KIF2A: variants seen among roughly 807,000 people sequenced by gnomAD.
The protein encoded by KIF2A is kinesin family member 2A.
A neutral mutation model predicts 100.2 loss-of-function variants in KIF2A; 22 were observed. The observed-to-expected ratio is 0.22, with a 90% CI of 0.16 to 0.31. The LOEUF is 0.31. KIF2A is among the 10% of genes least tolerant of loss of function. The pLI is 1.00. For synonymous variants in KIF2A, 268 were observed against 285.9 expected (o/e 0.94, Z 0.63); for missense variants, 495 against 898.7 (o/e 0.55, Z 5.74).
intron 1 of KIF2A, among the ~76,000 whole-genome samples, chr5:62,346,797 T>C (rs1057384439): frequency 2.0e-5 from 3 of 152,232 alleles, no homozygotes; most frequent in African/African-American, 7.2e-5. Flanking sequence ...CATTTTTGGC[T>C]CATAGTAAGG....
rs527271374 is a variant in KIF2A, at chr5:62,342,181, C to T, written c.65-4949C>T. On this transcript the variant is annotated intron_variant, in intron 1 of 20. Transcript: ENST00000407818. ...TAGTATATTGTGGGGCTGCCACGGG[C>T]AGTTGGGGAAAGGATGGCTGCCAGG... 5.3e-5 allele frequency among the ~76,000 whole-genome samples: 8 copies of T among 152,270 alleles called. No homozygotes were observed. The East Asian group carries it at 1.5e-3, about 29-fold the overall frequency.
At chr5:62,376,518 A>T (rs924135004) in intron 18 of KIF2A, among the ~76,000 whole-genome samples, 3 of 151,876 alleles carry the variant, frequency 2.0e-5, no homozygotes, top group Non-Finnish European at 4.4e-5. Context: ...CTCCCGGGTT[A>T]AAGTGATTCT....
At chr5:62,376,369 A>G (rs1741542837) in intron 18 of KIF2A, among the ~76,000 whole-genome samples, 1 of 152,148 alleles carries the variant, frequency 6.6e-6, no homozygotes, top group Non-Finnish European at 1.5e-5. Flanking sequence ...AAAATGGAAC[A>G]GCATCTAAGA....
At chr5:62,323,196 C>T (rs1746191857) in intron 1 of KIF2A, among the ~76,000 whole-genome samples, 1 of 151,448 alleles carries the variant, frequency 6.6e-6, no homozygotes, top group Non-Finnish European at 1.5e-5. Flanking sequence ...GTGGAGGTTG[C>T]CGTGAGCCAA....
Position 62,348,083 on chromosome 5 carries a change from C to A in KIF2A, c.195C>A (p.Asp65Glu), listed in dbSNP as rs73102041. ...AGAGCATCTTTTCACTTAACCCTGA[C>A]CTTGTTCCTGATGAAGAAATTGAAC... ...DLESIFSLNP[D>E]LVPDEEIEPS... The change falls in exon 3 of 21, where the codon GAC becomes GAA. Residue 65 changes from aspartate (D) to glutamate (E), a missense_variant. This residue lies in a region of KIF2A where 115 missense variants were observed against 143.6 expected (regional missense o/e 0.80). Transcript: ENST00000407818. The A allele has an allele frequency of 1.2e-3, 1,874 of 1,613,756 alleles. 17 individuals are homozygous for A. The African/African-American group carries it at 0.023, about 20-fold the overall frequency.
intron 6 of KIF2A, among the ~76,000 whole-genome samples, chr5:62,353,736 T>C (rs1295608749): frequency 6.6e-6 from 1 of 152,144 alleles, no homozygotes; most frequent in Non-Finnish European, 1.5e-5. Flanking sequence ...ATGATTAAAC[T>C]ATAAATTTTA....
At chr5:62,351,374 A>G (rs1747849411) in intron 4 of KIF2A, among the ~76,000 whole-genome samples, 1 of 152,160 alleles carries the variant, frequency 6.6e-6, no homozygotes, top group Admixed American at 6.5e-5. Context: ...GGAATGGGGA[A>G]AGAGTCAATT....
intron 9 of KIF2A, among the ~76,000 whole-genome samples, chr5:62,359,953 T>G (rs535342572): frequency 6.6e-6 from 1 of 152,116 alleles, no homozygotes; most frequent in South Asian, 2.1e-4. Context: ...ACAGCAGTTA[T>G]ATAAAATGTT....
intron 16 of KIF2A, among the ~76,000 whole-genome samples, chr5:62,368,311 C>G (rs2111972904): frequency 6.6e-6 from 1 of 150,602 alleles, no homozygotes; most frequent in South Asian, 2.1e-4. Flanking sequence ...GAATCTATTT[C>G]TGAGTAACAT....
chr5:62,353,378 T>G lies in KIF2A; in HGVS notation c.558+3T>G. On this transcript the variant is annotated splice_donor_region_variant and intron_variant, in intron 6 of 20. Transcript: ENST00000407818. ...AACTTAGAGAAAAAAGAGCCCAGGT[T>G]CGTAACATAAACATATATTTTGTTT... The G allele has an allele frequency of 6.7e-7, 1 of 1,491,446 alleles. No homozygotes were observed. The highest frequency in any genetic ancestry group is 9.0e-7 in the Non-Finnish European group (1 of 1,105,806). The allele number at this position is 1,491,446 out of a possible 1,614,324, so 92.4% of individuals were successfully genotyped here.
At chr5:62,375,868 C>T (rs1741519297) in intron 18 of KIF2A, among the ~76,000 whole-genome samples, 1 of 152,148 alleles carries the variant, frequency 6.6e-6, no homozygotes, top group South Asian at 2.1e-4. Flanking sequence ...TCACCTTATC[C>T]CCATACAATG....
intron 19 of KIF2A, among the ~76,000 whole-genome samples, chr5:62,379,726 C>G (rs960186269): frequency 6.6e-6 from 1 of 151,468 alleles, no homozygotes; most frequent in African/African-American, 2.4e-5. Context: ...CTAATCAAGA[C>G]ACATACCTAT....
chr5:62,348,240 T>C (rs779425808), intron 3 of KIF2A, 73 bp downstream of exon 3: 1 of 1,527,550 alleles, frequency 6.5e-7, no homozygotes, highest in East Asian at 2.3e-5. Context: ...TGTTCTAGTT[T>C]GAAATTGGTA....
At chr5:62,356,707 C>T (rs1748124294) in intron 7 of KIF2A, among the ~76,000 whole-genome samples, 1 of 151,996 alleles carries the variant, frequency 6.6e-6, no homozygotes, top group African/African-American at 2.4e-5. Flanking sequence ...CTATGATCAA[C>T]CTATGAAAAT....
chr5:62,345,050 A>T (rs948446007), intron 1 of KIF2A, among the ~76,000 whole-genome samples: 2 of 152,180 alleles, frequency 1.3e-5, no homozygotes, highest in Non-Finnish European at 1.5e-5. Flanking sequence ...GTTTGAGATC[A>T]GCCTGGCCAA....
At chr5:62,379,702 A>C (rs1741696310) in intron 19 of KIF2A, among the ~76,000 whole-genome samples, 1 of 151,762 alleles carries the variant, frequency 6.6e-6, no homozygotes, top group South Asian at 2.1e-4. Flanking sequence ...TGCATTTTCT[A>C]ATTAATATGT....
intron 11 of KIF2A, 99 bp downstream of exon 11, chr5:62,361,628 G>T: frequency 2.9e-6 from 2 of 699,558 alleles, no homozygotes; most frequent in South Asian, 3.6e-5. Context: ...CAACTATAAT[G>T]CTATATTAAC....
Position 62,383,305 on chromosome 5 carries a change from C to T in KIF2A, c.2149+2052C>T, listed in dbSNP as rs181677114. ...TCACGCAGGCTGGAGTGCAGTGGAGCGATCTTGGCTCAGTGAAAGCTCCGC... is the reference window on the plus strand; with the variant it reads ...TCACGCAGGCTGGAGTGCAGTGGAGTGATCTTGGCTCAGTGAAAGCTCCGC... On this transcript the variant is annotated intron_variant, in intron 20 of 20. Coordinates refer to ENST00000407818, the MANE Select transcript of KIF2A (RefSeq NM_001098511.3). Among the ~76,000 whole-genome samples the T allele has an allele frequency of 1.1e-3, 132 of 121,696 alleles. 1 individual carries two copies. Among genetic ancestry groups the T allele is most frequent in the African/African-American group, 2.7e-3 (83 of 30,974 alleles). The allele number at this position is 121,696 out of a possible 152,430, so 79.8% of individuals were successfully genotyped here. A position where few individuals can be genotyped will look rare whatever the true frequency, so the allele number is the denominator to read the frequency against.
At chr5:62,324,491 G>A (rs111763814) in intron 1 of KIF2A, among the ~76,000 whole-genome samples, 10 of 152,224 alleles carry the variant, frequency 6.6e-5, no homozygotes, top group African/African-American at 2.2e-4. Flanking sequence ...AAAACAGCGC[G>A]GTACCGATAT....
Sources: allele counts gnomAD v4.1 joint callset (sites outside exome capture counted in the v4.1 genomes callset), GRCh38; gene constraint gnomAD v4.1.1; regional missense constraint gnomAD v4.1.1; transcripts MANE v1.5; gene names NCBI Gene and HGNC (gene_info 2026-07-23, HGNC 2026-07-21).